NFIB: variants seen among roughly 807,000 people sequenced by gnomAD.
NFIB encodes nuclear factor 1 B-type.
In NFIB, 11 loss-of-function variants were observed where a neutral mutation model predicts 61.5. That is an observed-to-expected ratio of 0.18 (90% confidence interval 0.11 to 0.30). The LOEUF (loss-of-function observed/expected upper bound fraction) is 0.30, where lower values mean the gene tolerates loss of function less well. Among genes scored for constraint, NFIB ranks in the 10% least tolerant of loss-of-function variants. NFIB has a pLI of 1.00. For missense variants in NFIB, 471 were observed against 608.9 expected, an observed-to-expected ratio of 0.77 and a Z score of 2.38; for synonymous variants, 260 against 216.5, an observed-to-expected ratio of 1.20 and a Z score of -1.76.
the NFIB span, among the ~76,000 whole-genome samples, chr9:14,408,380 A>C: frequency 6.6e-6 from 1 of 152,198 alleles, no homozygotes; most frequent in South Asian, 2.1e-4. Context: ...AGTTCTTTTC[A>C]TATTTGTATG....
At chr9:14,093,047 C>A (rs1184141750) in intron 10 of NFIB, among the ~76,000 whole-genome samples, 4 of 152,022 alleles carry the variant, frequency 2.6e-5, no homozygotes, top group African/African-American at 9.6e-5. Flanking sequence ...GGGCCCTTAC[C>A]TTTTAGCTCA....
the NFIB span, among the ~76,000 whole-genome samples, chr9:14,426,113 T>C: frequency 3.3e-5 from 5 of 152,202 alleles, no homozygotes; most frequent in Non-Finnish European, 7.3e-5. Context: ...GGTCCTGCCA[T>C]TGAGTTTTCC....
chr9:14,371,793 C>T (rs938397273), intron 1 of NFIB, among the ~76,000 whole-genome samples: 5 of 152,182 alleles, frequency 3.3e-5, no homozygotes, highest in African/African-American at 7.2e-5. Context: ...ATTCCTATTG[C>T]CCTTTTGGTT....
At chr9:14,410,964 G>A in the NFIB span, among the ~76,000 whole-genome samples, 1 of 152,148 alleles carries the variant, frequency 6.6e-6, no homozygotes. Context: ...TTGACACCTT[G>A]CAAAGGTCAG....
In NFIB at chr9:14,120,357, C is replaced by T. The variant is rs2038760329; in HGVS notation, c.1245+83G>A. ...AAGGCTTGACGTTCTGCCAGACACA[C>T]TGTCTGACTAACCTTTGTGTCTCAG... On this transcript the variant is annotated intron_variant, in intron 8 of 10. Transcript: ENST00000380953. The surrounding 1 kb of genome is among the most constrained non-coding windows in gnomAD (Gnocchi z 4.4). The T allele has an allele frequency of 7.1e-7, 1 of 1,406,842 alleles. No individual in the cohort carries two copies. Among genetic ancestry groups the T allele is most frequent in the Non-Finnish European group, 1.0e-6 (1 of 994,506 alleles). 87.1% of individuals were successfully genotyped at this position (1,406,842 alleles called of 1,614,324 possible). A position where few individuals can be genotyped will look rare whatever the true frequency, so the allele number is the denominator to read the frequency against.
chr9:14,231,134 AAATATAT>A lies in NFIB; in HGVS notation c.563-51361_563-51355del, dbSNP rs1386796648. On this transcript the variant is annotated intron_variant, in intron 2 of 10. Coordinates refer to ENST00000380953, the MANE Select transcript of NFIB (RefSeq NM_001190737.2). ...TTTTCCATGGGGAAAAAAAAAAAAA[AAATATAT>A]ATATATATATATATATATATATATA... Among the ~76,000 whole-genome samples the A allele has an allele frequency of 4.2e-3, 310 of 73,960 alleles. 1 individual carries two copies. Among genetic ancestry groups the A allele is most frequent in the Middle Eastern group, 0.015 (2 of 136 alleles). 48.5% of individuals were successfully genotyped at this position (73,960 alleles called of 152,430 possible). A position where few individuals can be genotyped will look rare whatever the true frequency, so the allele number is the denominator to read the frequency against.
chr9:14,457,476 T>C, the NFIB span, among the ~76,000 whole-genome samples: 8 of 151,812 alleles, frequency 5.3e-5, no homozygotes, highest in African/African-American at 7.3e-5. Flanking sequence ...AGCAAACACA[T>C]TCAAAAGCTA....
intron 2 of NFIB, among the ~76,000 whole-genome samples, chr9:14,263,450 G>A (rs1459843664): frequency 3.3e-5 from 5 of 152,116 alleles, no homozygotes; most frequent in Admixed American, 2.0e-4. Flanking sequence ...TTCCATACCC[G>A]TATTTACCTG....
intron 2 of NFIB, among the ~76,000 whole-genome samples, chr9:14,243,423 G>T (rs1428194543): frequency 1.3e-5 from 2 of 152,094 alleles, no homozygotes; most frequent in Non-Finnish European, 2.9e-5. Flanking sequence ...AATCAGGTGG[G>T]CTGTCTTGAC....
chr9:14,515,598 C>T, the NFIB span, among the ~76,000 whole-genome samples: 1 of 152,108 alleles, frequency 6.6e-6, no homozygotes, highest in African/African-American at 2.4e-5. Context: ...ATCGTGGGCC[C>T]AGGAATGTGA....
chr9:14,433,470 A>C, the NFIB span, among the ~76,000 whole-genome samples: 1 of 152,232 alleles, frequency 6.6e-6, no homozygotes, highest in Non-Finnish European at 1.5e-5. Context: ...TCCTGCAATT[A>C]CTGATAAGGG....
At chr9:14,477,709 A>G in the NFIB span, among the ~76,000 whole-genome samples, 141 of 152,356 alleles carry the variant, frequency 9.3e-4, no homozygotes, top group Non-Finnish European at 1.5e-3. Context: ...CAAATACATT[A>G]CACATCCCAT....
At chr9:14,300,746 TG>T (rs2059706311) in intron 2 of NFIB, among the ~76,000 whole-genome samples, 1 of 152,212 alleles carries the variant, frequency 6.6e-6, no homozygotes, top group Non-Finnish European at 1.5e-5. Context: ...AACCTTCCGT[TG>T]GGTCCCTCTC....
the NFIB span, among the ~76,000 whole-genome samples, chr9:14,498,626 G>A: frequency 1.3e-5 from 2 of 152,178 alleles, no homozygotes; most frequent in Non-Finnish European, 2.9e-5. Context: ...AAACTTCAGA[G>A]GAAATTTGGG....
chr9:14,150,221 T>C lies in NFIB; in HGVS notation c.730A>G (p.Ile244Val). 1 of 1,613,456 alleles carries C rather than the reference T, an allele frequency of 6.2e-7. No homozygotes were observed. Among genetic ancestry groups the C allele is most frequent in the Non-Finnish European group, 8.5e-7 (1 of 1,179,548 alleles). ...GTGVNFPIGE[I>V]PSQPYYHDMN... ...TCATGATAGTATGGTTGGCTTGGGA[T>C]TTCTCCAATTGGGAAGTTGACTCCA... Residue 244 changes from isoleucine (I) to valine (V), a missense_variant, in exon 5 of 11, where the codon ATC (isoleucine) becomes GTC (valine). By Grantham distance (29) the Ile-to-Val change is conservative. This residue lies in a region of NFIB where 372 missense variants were observed against 395.6 expected (regional missense o/e 0.94). Transcript: ENST00000380953.
chr9:14,379,999 A>C (rs1236570985), intron 1 of NFIB, among the ~76,000 whole-genome samples: 2 of 151,588 alleles, frequency 1.3e-5, no homozygotes, highest in African/African-American at 4.8e-5. Context: ...TTTTTTTTTA[A>C]TTGAAGAAAA....
chr9:14,111,907 T>G (rs879561364), intron 10 of NFIB, among the ~76,000 whole-genome samples: 2 of 152,166 alleles, frequency 1.3e-5, no homozygotes, highest in Non-Finnish European at 2.9e-5. Flanking sequence ...TAATATGCAG[T>G]CTGCCCCCTT....
rs185201506 is a variant in NFIB, at chr9:14,384,930, T to C, written c.108+13594A>G. On this transcript the variant is annotated intron_variant, in intron 1 of 8. Coordinates refer to the NFIB transcript ENST00000380934. ...AGAAAAAAAAATGTTAACCCTTCTC[T>C]TGAGTATTTTACAGTACTTCACTCT... 9.6e-4 allele frequency among the ~76,000 whole-genome samples: 146 copies of C among 152,322 alleles called. 1 individual carries two copies. Among genetic ancestry groups the C allele is most frequent in the African/African-American group, 3.4e-3 (143 of 41,564 alleles).
At chr9:14,103,553 A>G (rs1279265023) in intron 10 of NFIB, among the ~76,000 whole-genome samples, 1 of 152,166 alleles carries the variant, frequency 6.6e-6, no homozygotes, top group Non-Finnish European at 1.5e-5. Context: ...ACTATTTTAA[A>G]CATTTCTGAT....
Sources: allele counts gnomAD v4.1 joint callset (sites outside exome capture counted in the v4.1 genomes callset), GRCh38; gene constraint gnomAD v4.1.1; regional missense constraint gnomAD v4.1.1; non-coding constraint Gnocchi (gnomAD v3.1); transcripts MANE v1.5; gene names NCBI Gene and HGNC (gene_info 2026-07-23, HGNC 2026-07-21).